The following SH3D19 variants were observed in gnomAD, a reference collection of about 807,000 sequenced individuals.
The protein encoded by SH3D19 is SH3 domain-containing protein 19.
Under a neutral mutation model 112.1 loss-of-function variants are expected in SH3D19, and 58 were observed. The observed-to-expected ratio is 0.52, with a 90% confidence interval of 0.42 to 0.64. The LOEUF is 0.64. SH3D19 is among the 30% of genes least tolerant of loss of function. SH3D19 has a pLI of 0.00. For missense variants in SH3D19, 1,090 were observed against 1,263.4 expected, an observed-to-expected ratio of 0.86 and a Z score of 2.08; for synonymous variants, 391 against 448.5, an observed-to-expected ratio of 0.87 and a Z score of 1.62.
At chr4:151,274,591 G>A (rs1207266883) in intron 1 of SH3D19, among the ~76,000 whole-genome samples, 3 of 152,210 alleles carry the variant, frequency 2.0e-5, no homozygotes, top group Admixed American at 6.5e-5. Flanking sequence ...ATTAATAGCA[G>A]AGAACCAGAG....
intron 9 of SH3D19, among the ~76,000 whole-genome samples, chr4:151,152,716 A>C (rs1755296602): frequency 6.6e-6 from 1 of 151,184 alleles, no homozygotes; most frequent in Non-Finnish European, 1.5e-5. Flanking sequence ...ACGGGGTTTC[A>C]CCATGTTGGC....
rs554816720 is a variant in SH3D19, at chr4:151,245,143, C to T, written c.113-19057G>A. On this transcript the variant is annotated intron_variant, in intron 1 of 19. Transcript: ENST00000604030. ...TGGGCAACAGAGCAAAACTCCATCT[C>T]AAAAAAATAAAATAAAATAAAATAA... 3.1e-3 allele frequency among the ~76,000 whole-genome samples: 375 copies of T among 121,042 alleles called. 2 individuals carry two copies. Among genetic ancestry groups the T allele is most frequent in the Non-Finnish European group, 5.3e-3 (271 of 50,960 alleles). The allele number at this position is 121,042 out of a possible 152,430, so 79.4% of individuals were successfully genotyped here.
rs3792611 is a variant in SH3D19 at position 151,149,481 on chromosome 4, T to A, written c.1817+19A>T. 0.86 allele frequency: 1,370,138 copies of A among 1,602,380 alleles called. 601,700 individuals carry two copies. The highest frequency in any genetic ancestry group is 0.91 in the Non-Finnish European group (1,067,114 of 1,172,102). On this transcript the variant is annotated intron_variant, in intron 10 of 19. Transcript: ENST00000604030. ...TCTGAGTCATTAATTTTTCTCTAAC[T>A]TTTCCCACATTTACTTACCTCGGTG...
chr4:151,165,510 A>G, intron 8 of SH3D19, 79 bp downstream of exon 8: 5 of 1,143,784 alleles, frequency 4.4e-6, no homozygotes, highest in Non-Finnish European at 6.4e-6. Context: ...CATAATTTCA[A>G]AAGCAGACAT....
intron 1 of SH3D19, among the ~76,000 whole-genome samples, chr4:151,316,576 T>A (rs1315521093): frequency 6.6e-6 from 1 of 152,176 alleles, no homozygotes; most frequent in Non-Finnish European, 1.5e-5. Context: ...AAACATTTAA[T>A]TTTTTTATTT....
At chr4:151,189,907 T>C (rs1189746081) in intron 2 of SH3D19, among the ~76,000 whole-genome samples, 1 of 151,816 alleles carries the variant, frequency 6.6e-6, no homozygotes, top group Non-Finnish European at 1.5e-5. Flanking sequence ...GTTTGGAGGG[T>C]TCAGAAGAAG....
intron 1 of SH3D19, chr4:151,291,443 G>A: frequency 6.2e-7 from 1 of 1,607,066 alleles, no homozygotes. Context: ...TTTAGTCCCA[G>A]GGGCAGATAA....
At chr4:151,221,827 C>T (rs1317549237) in intron 2 of SH3D19, among the ~76,000 whole-genome samples, 1 of 152,156 alleles carries the variant, frequency 6.6e-6, no homozygotes, top group Non-Finnish European at 1.5e-5. Flanking sequence ...TAAAATATAA[C>T]TGTAAAGACT....
At chr4:151,219,061 A>G (rs1310438160) in intron 2 of SH3D19, among the ~76,000 whole-genome samples, 1 of 152,210 alleles carries the variant, frequency 6.6e-6, no homozygotes, top group Non-Finnish European at 1.5e-5. Context: ...ACATATCCTT[A>G]ATTCAAACAG....
chr4:151,180,246 T>C (rs1760640021), intron 3 of SH3D19, among the ~76,000 whole-genome samples: 1 of 152,186 alleles, frequency 6.6e-6, no homozygotes, highest in East Asian at 1.9e-4. Context: ...TAAACTTGTT[T>C]ATAGCACATA....
intron 1 of SH3D19, chr4:151,283,046 C>A: frequency 7.0e-7 from 1 of 1,435,924 alleles, no homozygotes; most frequent in Non-Finnish European, 9.7e-7. Flanking sequence ...GACTTCTGCA[C>A]ATCATGACTG....
chr4:151,185,728 G>A lies in SH3D19; in HGVS notation c.193+1695C>T, dbSNP rs550264860. ...AAATTTTCACTGGAATTGTTCAAAT[G>A]CATATTCTTCATGACCTGTGAATAT... On this transcript the variant is annotated intron_variant, in intron 3 of 19. Transcript: ENST00000604030. 2.6e-5 allele frequency among the ~76,000 whole-genome samples: 4 copies of A among 152,250 alleles called. No homozygotes were observed. The East Asian group carries it at 7.7e-4, about 29-fold the overall frequency.
At chr4:151,280,343 C>T (rs895656919) in intron 1 of SH3D19, among the ~76,000 whole-genome samples, 9 of 152,042 alleles carry the variant, frequency 5.9e-5, no homozygotes, top group African/African-American at 2.2e-4. Context: ...TAGTCAACAG[C>T]GAGAAGACCC....
At chr4:151,279,842 T>C (rs751994761) in intron 1 of SH3D19, 1 of 1,611,670 alleles carries the variant, frequency 6.2e-7, no homozygotes, top group Non-Finnish European at 8.5e-7. Context: ...GTGGCCAGGA[T>C]GCTGCTGCAG....
chr4:151,252,648 T>C (rs1446690193), intron 1 of SH3D19, among the ~76,000 whole-genome samples: 3 of 152,190 alleles, frequency 2.0e-5, no homozygotes, highest in African/African-American at 7.2e-5. Context: ...TAGCCCTAGT[T>C]TGGGCCAAGT....
At chr4:151,245,921 C>A (rs141950752) in intron 1 of SH3D19, among the ~76,000 whole-genome samples, 1,627 of 152,008 alleles carry the variant, frequency 0.011, 31 homozygotes, top group African/African-American at 0.037. Context: ...GAGTCTTTTA[C>A]TGGGACTTGA....
chr4:151,127,162 C>T (rs946291193), intron 19 of SH3D19, among the ~76,000 whole-genome samples: 5 of 152,122 alleles, frequency 3.3e-5, no homozygotes, highest in Admixed American at 6.6e-5. Context: ...CCCCCCACCT[C>T]GGCCTCCCAA....
rs927964941 is a variant in SH3D19 at position 151,291,529 on chromosome 4, T to C, written c.112+33712A>G. On this transcript the variant is annotated intron_variant, in intron 1 of 19. Coordinates refer to ENST00000604030, the MANE Select transcript of SH3D19 (RefSeq NM_001378122.1). Reference sequence around the variant, plus strand: ...ATGATTTTGTTTTTAAGGTTTTTGATTTTGGAAGTTTTGGGGTTGGAATGT... The same window carrying C: ...ATGATTTTGTTTTTAAGGTTTTTGACTTTGGAAGTTTTGGGGTTGGAATGT... The C allele has an allele frequency of 6.8e-6, 7 of 1,026,372 alleles. No individual in the cohort carries two copies. The African/African-American group carries it at 1.1e-4, about 16-fold the overall frequency. 63.6% of individuals were successfully genotyped at this position (1,026,372 alleles called of 1,614,324 possible). A position where few individuals can be genotyped will look rare whatever the true frequency, so the allele number is the denominator to read the frequency against.
intron 7 of SH3D19, chr4:151,170,933 A>G (rs1758928990): frequency 1.3e-5 from 2 of 152,236 alleles, no homozygotes; most frequent in Non-Finnish European, 2.9e-5. Flanking sequence ...AACACAAACA[A>G]TAGCTAAAAT....
Sources: gnomAD v4.1 joint callset for allele counts (sites outside exome capture counted in the v4.1 genomes callset) on GRCh38, gnomAD v4.1.1 for gene constraint, MANE v1.5 for transcripts, NCBI Gene and HGNC (gene_info 2026-07-23, HGNC 2026-07-21) for gene names.